PTPRT: variants seen among roughly 807,000 people sequenced by gnomAD.
PTPRT encodes protein tyrosine phosphatase receptor type T, also known as receptor-type tyrosine-protein phosphatase T.
PTPRT carries 56 observed loss-of-function variants against 176.8 expected under a neutral mutation model. That is an observed-to-expected ratio of 0.32 (90% CI 0.26 to 0.40). The LOEUF is 0.40. PTPRT is among the 10% of genes least tolerant of loss of function. The pLI is 1.00. For missense variants in PTPRT, 1,540 were observed against 1,908.2 expected, an observed-to-expected ratio of 0.81 and a Z score of 3.60; for synonymous variants, 783 against 739.0, an observed-to-expected ratio of 1.06 and a Z score of -0.96.
chr20:42,493,164 C>T lies in PTPRT; in HGVS notation c.1154-20602G>A, dbSNP rs535918534. 3.0e-4 allele frequency among the ~76,000 whole-genome samples: 45 copies of T among 152,298 alleles called. No individual in the cohort carries two copies. In the South Asian group the frequency reaches 8.3e-3, roughly 28 times the overall value. ...GCTGGTGTCACATTTACCTCTTACA[C>T]TTACAAGTCACAAAGTTCCTGTTTT... On this transcript the variant is annotated intron_variant, in intron 7 of 30. Coordinates refer to ENST00000373187, the MANE Select transcript of PTPRT (RefSeq NM_007050.6).
intron 9 of PTPRT, among the ~76,000 whole-genome samples, chr20:42,447,865 A>G (rs2070759783): frequency 6.6e-6 from 1 of 152,190 alleles, no homozygotes; most frequent in Non-Finnish European, 1.5e-5. Context: ...AGTGAGCATC[A>G]TGTGGGTATT....
intron 1 of PTPRT, among the ~76,000 whole-genome samples, chr20:43,183,450 C>A (rs746426617): frequency 1.3e-5 from 2 of 152,162 alleles, no homozygotes; most frequent in Non-Finnish European, 2.9e-5. Flanking sequence ...GGCCACATCA[C>A]AAGTGCATTA....
intron 1 of PTPRT, among the ~76,000 whole-genome samples, chr20:43,136,876 G>C (rs1315964441): frequency 6.6e-6 from 1 of 152,108 alleles, no homozygotes; most frequent in Non-Finnish European, 1.5e-5. Context: ...GCCCACAAAG[G>C]CTCCCGAGTT....
chr20:42,045,859 T>C, the PTPRT span, among the ~76,000 whole-genome samples: 1 of 152,216 alleles, frequency 6.6e-6, no homozygotes, highest in African/African-American at 2.4e-5. Flanking sequence ...ACCCTCACAA[T>C]TTAGTTGAAT....
At chr20:43,071,759 T>C (rs996818193) in intron 1 of PTPRT, among the ~76,000 whole-genome samples, 4 of 152,238 alleles carry the variant, frequency 2.6e-5, no homozygotes, top group Non-Finnish European at 5.9e-5. Flanking sequence ...CACTCCAGCC[T>C]GGGCAACAAG....
intron 6 of PTPRT, among the ~76,000 whole-genome samples, chr20:42,743,825 G>A (rs536656130): frequency 2.0e-5 from 3 of 152,272 alleles, no homozygotes; most frequent in East Asian, 1.9e-4. Flanking sequence ...GGCTGTTTTC[G>A]GCATCTGCTT....
chr20:43,024,423 T>C (rs1187676284), intron 1 of PTPRT, among the ~76,000 whole-genome samples: 1 of 151,948 alleles, frequency 6.6e-6, no homozygotes, highest in Admixed American at 6.6e-5. Flanking sequence ...ACCCTGTCTC[T>C]ACTAAAAATA....
intron 15 of PTPRT, among the ~76,000 whole-genome samples, chr20:42,212,240 A>G (rs868026718): frequency 6.8e-6 from 1 of 147,884 alleles, no homozygotes; most frequent in Non-Finnish European, 1.5e-5. Context: ...TGGCACATGT[A>G]TACATATGTA....
chr20:42,986,793 G>A (rs1335882913), intron 1 of PTPRT, among the ~76,000 whole-genome samples: 1 of 152,122 alleles, frequency 6.6e-6, no homozygotes, highest in Non-Finnish European at 1.5e-5. Flanking sequence ...ACAGTAAGCA[G>A]CCTCCACACC....
chr20:42,794,431 AGTTTG>A (rs2077423549), intron 2 of PTPRT, among the ~76,000 whole-genome samples: 1 of 152,070 alleles, frequency 6.6e-6, no homozygotes, highest in Non-Finnish European at 1.5e-5. Context: ...AGGCCTATTG[AGTTTG>A]GATCTGCAGT....
At chr20:42,665,549 T>C (rs553568670) in intron 7 of PTPRT, among the ~76,000 whole-genome samples, 1 of 152,214 alleles carries the variant, frequency 6.6e-6, no homozygotes, top group African/African-American at 2.4e-5. Flanking sequence ...TCCTCAGGGA[T>C]CTAGAACTGG....
At chr20:42,140,954 T>A (rs1191582537) in intron 18 of PTPRT, among the ~76,000 whole-genome samples, 1 of 152,160 alleles carries the variant, frequency 6.6e-6, no homozygotes, top group Non-Finnish European at 1.5e-5. Context: ...ATCAAAAGTT[T>A]ACAGAGGTCA....
intron 9 of PTPRT, among the ~76,000 whole-genome samples, chr20:42,440,383 A>G (rs2059301769): frequency 6.6e-6 from 1 of 152,176 alleles, no homozygotes; most frequent in Non-Finnish European, 1.5e-5. Flanking sequence ...TATCCAAAGA[A>G]TATTTATTGA....
At position 42,077,066 on chromosome 20, in the gene PTPRT, T is replaced by C. The variant is rs971499803; in HGVS notation, c.*3813A>G. ...TTCTCCCCTAGGAGCCTTAGTTTCC[T>C]CATCAGTAAATGGTGACAATCACAA... On this transcript the variant is annotated 3_prime_UTR_variant, in exon 31 of 31. Transcript: ENST00000373187. 1.1e-5 allele frequency: 2 copies of C among 184,064 alleles called. No homozygotes were observed. The highest frequency in any genetic ancestry group is 6.2e-5 in the Admixed American group (1 of 16,040). The allele number at this position is 184,064 out of a possible 1,614,324, so 11.4% of individuals were successfully genotyped here. A position where few individuals can be genotyped will look rare whatever the true frequency, so the allele number is the denominator to read the frequency against.
intron 1 of PTPRT, among the ~76,000 whole-genome samples, chr20:43,142,582 C>T (rs976487491): frequency 4.0e-5 from 6 of 150,468 alleles, no homozygotes; most frequent in African/African-American, 1.5e-4. Flanking sequence ...AGGAAAAAAC[C>T]ATCCCCCATC....
chr20:42,190,728 A>G (rs1046797595), intron 16 of PTPRT, among the ~76,000 whole-genome samples: 2 of 152,194 alleles, frequency 1.3e-5, no homozygotes, highest in Non-Finnish European at 2.9e-5. Context: ...TCTGGAGATC[A>G]TGCTTCAAGA....
chr20:42,142,047 CT>C, intron 17 of PTPRT, 45 bp from the exon 18 acceptor site: 1 of 1,543,422 alleles, frequency 6.5e-7, no homozygotes, highest in Non-Finnish European at 9.0e-7. Context: ...GAGATAGGAG[CT>C]TTATGGAAGT....
At chr20:42,782,199 T>C (rs1011035218) in intron 3 of PTPRT, among the ~76,000 whole-genome samples, 2 of 152,174 alleles carry the variant, frequency 1.3e-5, no homozygotes, top group African/African-American at 2.4e-5. Flanking sequence ...TCTGGCACTG[T>C]TCAATGCCTG....
intron 1 of PTPRT, among the ~76,000 whole-genome samples, chr20:43,029,571 C>T (rs112617285): frequency 2.7e-4 from 41 of 152,354 alleles, no homozygotes; most frequent in African/African-American, 7.2e-4. Flanking sequence ...GTACAGTCTA[C>T]GGTAATTTGT....
Sources: allele counts gnomAD v4.1 joint callset (sites outside exome capture counted in the v4.1 genomes callset), GRCh38; gene constraint gnomAD v4.1.1; transcripts MANE v1.5; gene names NCBI Gene and HGNC (gene_info 2026-07-23, HGNC 2026-07-21).